ARMC2: variants seen among roughly 807,000 people sequenced by gnomAD.
ARMC2 encodes the protein armadillo repeat-containing protein 2.
Under a neutral mutation model 90.3 loss-of-function variants are expected in ARMC2, and 67 were observed. The ratio of observed to expected loss-of-function variants is 0.74; its 90% CI spans 0.61 to 0.91. ARMC2 has a LOEUF of 0.91. Ranked by LOEUF, ARMC2 falls within the 40% of genes least tolerant of loss-of-function variation. The probability of loss-of-function intolerance (pLI) is 0.00; values close to 1 mark genes in which losing one functional copy is unlikely to be tolerated. For missense variants in ARMC2, 920 were observed against 1,030.9 expected (o/e 0.89, Z 1.47); for synonymous variants, 393 against 393.0 (o/e 1.00, Z 0.00).
the ARMC2 span, among the ~76,000 whole-genome samples, chr6:108,989,568 TAG>T: frequency 9.5e-6 from 1 of 105,054 alleles, no homozygotes; most frequent in Non-Finnish European, 2.0e-5. Context: ...TCTCTAGATC[TAG>T]AGATATCTAT....
chr6:109,048,104 TA>T, the ARMC2 span, among the ~76,000 whole-genome samples: 35,151 of 146,590 alleles, frequency 0.24, 4,598 homozygotes, highest in African/African-American at 0.33. Flanking sequence ...AAAAATAAAT[TA>T]AAAAAAAAAA....
At chr6:108,868,676 G>A in intron 3 of ARMC2, 148 bp from the exon 4 acceptor site, 1 of 662,170 alleles carries the variant, frequency 1.5e-6, no homozygotes, top group Non-Finnish European at 2.6e-6. Flanking sequence ...ATGTAAGATG[G>A]GCCAGTGAGT....
chr6:108,861,694 T>G (rs964042308), intron 3 of ARMC2, among the ~76,000 whole-genome samples: 2 of 152,208 alleles, frequency 1.3e-5, no homozygotes, highest in Admixed American at 6.5e-5. Context: ...TCTACAACCT[T>G]GGGAACCACT....
chr6:108,977,516 A>G (rs1779008776), downstream of ARMC2, among the ~76,000 whole-genome samples: 1 of 152,212 alleles, frequency 6.6e-6, no homozygotes, highest in Non-Finnish European at 1.5e-5. Context: ...GCCTCATAAA[A>G]TGAGTTAGAG....
intron 8 of ARMC2, among the ~76,000 whole-genome samples, chr6:108,910,039 G>T (rs8180581): frequency 0.037 from 5,635 of 151,730 alleles, 231 homozygotes; most frequent in East Asian, 0.2. Context: ...CTAAATTAAT[G>T]TGAAATTTTG....
chr6:108,904,298 C>G lies in ARMC2; in HGVS notation c.916C>G (p.Leu306Val). The G allele has an allele frequency of 1.2e-6, 2 of 1,613,846 alleles. No individual in the cohort carries two copies. Among genetic ancestry groups the G allele is most frequent in the Non-Finnish European group, 1.7e-6 (2 of 1,179,812 alleles). ...LHHALEEGNM[L>V]GNKFKGRSIL... Reference sequence around the variant, plus strand: ...TCATGCTTTAGAGGAAGGAAACATGCTTGGAAATAAATTTAAGGGAAGAAG... The same window carrying G: ...TCATGCTTTAGAGGAAGGAAACATGGTTGGAAATAAATTTAAGGGAAGAAG... Residue 306 changes from leucine (L) to valine (V), a missense_variant, in exon 8 of 18, where the codon CTT becomes GTT. Physicochemically the swap from Leu to Val is conservative, Grantham distance 32. Transcript: ENST00000392644.
At chr6:108,849,833 G>C (rs896092297) in intron 1 of ARMC2, among the ~76,000 whole-genome samples, 6 of 152,226 alleles carry the variant, frequency 3.9e-5, no homozygotes, top group Non-Finnish European at 8.8e-5. Flanking sequence ...AGAGATATTA[G>C]AGGCATTGCC....
chr6:108,878,081 CAA>C (rs369170826), intron 5 of ARMC2, among the ~76,000 whole-genome samples: 3 of 151,092 alleles, frequency 2.0e-5, no homozygotes, highest in African/African-American at 7.3e-5. Flanking sequence ...GGAGTGGTGC[CAA>C]AAAAAAGTTT....
chr6:108,917,658 A>AT (rs60557434), intron 10 of ARMC2, among the ~76,000 whole-genome samples: 2 of 151,930 alleles, frequency 1.3e-5, no homozygotes, highest in Non-Finnish European at 2.9e-5. Flanking sequence ...TTTAATATAT[A>AT]TTTTTTTGAG....
At chr6:108,938,747 T>C (rs1177949163) in intron 12 of ARMC2, among the ~76,000 whole-genome samples, 1 of 151,958 alleles carries the variant, frequency 6.6e-6, no homozygotes, top group Non-Finnish European at 1.5e-5. Flanking sequence ...TCAAGTTATG[T>C]TATAATCTAT....
intron 10 of ARMC2, among the ~76,000 whole-genome samples, 186 bp from the exon 11 acceptor site, chr6:108,927,902 G>A (rs1279313160): frequency 6.6e-6 from 1 of 152,134 alleles, no homozygotes; most frequent in Non-Finnish European, 1.5e-5. Flanking sequence ...AACCAAATTA[G>A]GCTTTCTTTG....
the ARMC2 span, among the ~76,000 whole-genome samples, chr6:109,007,840 A>G: frequency 7.3e-6 from 1 of 137,318 alleles, no homozygotes; most frequent in Non-Finnish European, 1.5e-5. Flanking sequence ...AAAAAAACTT[A>G]CTGACTTTAA....
At chr6:108,967,011 C>T (rs1326068749) in intron 17 of ARMC2, among the ~76,000 whole-genome samples, 4 of 152,234 alleles carry the variant, frequency 2.6e-5, no homozygotes, top group African/African-American at 9.6e-5. Context: ...GCCAGAGTCC[C>T]AAGTGACCCC....
Position 108,962,125 on chromosome 6 carries a change from A to G in ARMC2, c.2150A>G (p.Asn717Ser), listed in dbSNP as rs143737774. The G allele has an allele frequency of 8.8e-6, 14 of 1,598,392 alleles. No individual in the cohort carries two copies. In the African/African-American group the frequency reaches 1.7e-4, roughly 20 times the overall value. ...HDVCDFIVQN[N>S]VHRFMMALLD... ...GTCTGCGATTTCATTGTGCAGAACA[A>G]TGGTGAGTTAATAACACTAGAATTC... Residue 717 changes from asparagine (N) to serine (S), a missense_variant and splice_region_variant, in exon 15 of 18, where the codon AAT (asparagine) becomes AGT (serine). Transcript: ENST00000392644.
intron 5 of ARMC2, among the ~76,000 whole-genome samples, chr6:108,889,550 C>T (rs1263716814): frequency 6.6e-6 from 1 of 151,970 alleles, no homozygotes; most frequent in East Asian, 1.9e-4. Flanking sequence ...AAGCGATCCT[C>T]CTGCCTCAGC....
At chr6:108,865,476 T>C (rs973921875) in intron 3 of ARMC2, among the ~76,000 whole-genome samples, 1 of 152,242 alleles carries the variant, frequency 6.6e-6, no homozygotes, top group Non-Finnish European at 1.5e-5. Flanking sequence ...GAATTAAAAA[T>C]GCTTTACATA....
At chr6:108,936,653 T>G in intron 11 of ARMC2, among the ~76,000 whole-genome samples, 1 of 152,256 alleles carries the variant, frequency 6.6e-6, no homozygotes, top group East Asian at 1.9e-4. Context: ...TTGTGTTTTC[T>G]GAATTACGTG....
chr6:108,977,483 G>A (rs1222953411), downstream of ARMC2, among the ~76,000 whole-genome samples: 3 of 152,166 alleles, frequency 2.0e-5, no homozygotes, highest in South Asian at 2.1e-4. Flanking sequence ...TCTCTGCCAG[G>A]TTTTGGTATC....
chr6:108,987,777 G>A, the ARMC2 span: 1 of 407,054 alleles, frequency 2.5e-6, no homozygotes, highest in Admixed American at 4.3e-5. Flanking sequence ...TTGTTGAACA[G>A]ATTATAAATT....
Sources: allele counts gnomAD v4.1 joint callset (sites outside exome capture counted in the v4.1 genomes callset), GRCh38; gene constraint gnomAD v4.1.1; transcripts MANE v1.5; gene names NCBI Gene and HGNC (gene_info 2026-07-23, HGNC 2026-07-21).